Variants in DENND4C observed in about 807,000 individuals in gnomAD.
The protein encoded by DENND4C is DENN domain-containing protein 4C.
Under a neutral mutation model 203.0 loss-of-function variants are expected in DENND4C, and 108 were observed. The observed-to-expected ratio is 0.53, with a 90% CI of 0.46 to 0.62. The LOEUF is 0.62. DENND4C is among the 20% of genes least tolerant of loss of function. The pLI is 0.00. For missense variants in DENND4C, 2,481 were observed against 2,301.2 expected, an observed-to-expected ratio of 1.08 and a Z score of -1.60; for synonymous variants, 871 against 792.4, an observed-to-expected ratio of 1.10 and a Z score of -1.67.
At chr9:19,308,504 G>A (rs1661912021) in intron 10 of DENND4C, among the ~76,000 whole-genome samples, 2 of 152,186 alleles carry the variant, frequency 1.3e-5, no homozygotes, top group Non-Finnish European at 2.9e-5. Context: ...ACATTTTCCT[G>A]TTAGATTGTT....
chr9:19,249,792 G>C (rs1313145802), intron 1 of DENND4C, among the ~76,000 whole-genome samples: 2 of 152,022 alleles, frequency 1.3e-5, no homozygotes, highest in Non-Finnish European at 2.9e-5. Flanking sequence ...TGTGTAGCTG[G>C]GATCACAGGC....
chr9:19,333,363 T>G (rs1449489038), intron 17 of DENND4C, among the ~76,000 whole-genome samples: 1 of 152,120 alleles, frequency 6.6e-6, no homozygotes, highest in Non-Finnish European at 1.5e-5. Context: ...AATGTAGCTT[T>G]GAACTTCTCA....
rs773604782 is a variant in DENND4C, at chr9:19,360,428, A to G, written c.5345A>G (p.Asp1782Gly). 44 of 1,614,116 alleles carry G rather than the reference A, an allele frequency of 2.7e-5. No homozygotes were observed. Among genetic ancestry groups the G allele is most frequent in the Non-Finnish European group, 3.7e-5 (44 of 1,180,004 alleles). Residue 1782 changes from aspartate to glycine, a missense_variant, in exon 29 of 33, where the codon GAC (aspartate) becomes GGC (glycine). Around this residue, in one of 3 missense-constraint regions of DENND4C, gnomAD observed 2,289 missense variants for 2,113.3 expected, o/e 1.08. Coordinates refer to ENST00000434457, the MANE Select transcript of DENND4C (RefSeq NM_001330640.2). The stretch of plus-strand genomic sequence containing the variant: ...CTCGTTTGGTATTTCAGACGTTTGG[A>G]CCTTCCTAGTAACTTGCCAGGACTT... ...WNLVWYFRRL[D>G]LPSNLPGLIL...
At chr9:19,349,269 G>A (rs555269349) in intron 23 of DENND4C, among the ~76,000 whole-genome samples, 75 of 152,170 alleles carry the variant, frequency 4.9e-4, no homozygotes, top group African/African-American at 1.6e-3. Flanking sequence ...TTAGCTGGGC[G>A]TGATGTCATG....
rs1039470419 is a variant in DENND4C at position 19,363,939 on chromosome 9, G to A, written c.5524+1976G>A. 7.9e-5 allele frequency among the ~76,000 whole-genome samples: 12 copies of A among 152,078 alleles called. No individual in the cohort carries two copies. In the East Asian group the frequency reaches 1.5e-3, roughly 20 times the overall value. ...TGAGGCAGGAGAATTGCTTGGACCC[G>A]GGAAGCAGAGGTTGCAATGAGCCGA... On this transcript the variant is annotated intron_variant, in intron 30 of 32. Coordinates refer to ENST00000434457, the MANE Select transcript of DENND4C (RefSeq NM_001330640.2).
intron 1 of DENND4C, among the ~76,000 whole-genome samples, chr9:19,233,690 G>GGGTT (rs1419773380): frequency 4.4e-5 from 6 of 136,528 alleles, no homozygotes; most frequent in African/African-American, 1.3e-4. Context: ...CCTCCCAGAT[G>GGGTT]CAAGCGATTC....
At chr9:19,300,446 C>A in intron 9 of DENND4C, 115 bp downstream of exon 9, 5 of 1,058,292 alleles carry the variant, frequency 4.7e-6, no homozygotes, top group Non-Finnish European at 5.0e-6. Flanking sequence ...AAAAAAGGAA[C>A]TTTGAAAAAT....
At chr9:19,362,799 C>A (rs548891875) in intron 30 of DENND4C, among the ~76,000 whole-genome samples, 2 of 152,238 alleles carry the variant, frequency 1.3e-5, no homozygotes, top group Admixed American at 6.5e-5. Flanking sequence ...CATTTTTAAT[C>A]TTTTAGAGTA....
intron 15 of DENND4C, among the ~76,000 whole-genome samples, chr9:19,326,707 C>A (rs556831467): frequency 2.0e-5 from 3 of 152,030 alleles, no homozygotes; most frequent in Non-Finnish European, 4.4e-5. Context: ...ATCATTCTAG[C>A]ACCAATACTT....
intron 26 of DENND4C, 80 bp downstream of exon 26, chr9:19,352,745 G>GAGCATACCAGGAA: frequency 2.6e-6 from 3 of 1,171,068 alleles, no homozygotes; most frequent in Non-Finnish European, 3.5e-6. Context: ...AATATTCCTG[G>GAGCATACCAGGAA]TATGCTCCAG....
At chr9:19,300,766 T>C (rs1333903491) in intron 9 of DENND4C, among the ~76,000 whole-genome samples, 1 of 152,198 alleles carries the variant, frequency 6.6e-6, no homozygotes, top group East Asian at 1.9e-4. Flanking sequence ...GATTGTGAAA[T>C]AGGATAATAT....
chr9:19,290,561 T>C (rs987058189), intron 4 of DENND4C, 143 bp from the exon 5 acceptor site: 9 of 531,592 alleles, frequency 1.7e-5, no homozygotes, highest in Admixed American at 1.2e-4. Flanking sequence ...GTTTCTGTTA[T>C]AGCAAGGGGG....
chr9:19,284,265 A>G (rs1002543802), intron 2 of DENND4C, among the ~76,000 whole-genome samples: 4 of 152,304 alleles, frequency 2.6e-5, no homozygotes, highest in South Asian at 2.1e-4. Flanking sequence ...TATACTGGCA[A>G]TCACTCTGTA....
chr9:19,351,319 C>T (rs143320365), intron 24 of DENND4C, among the ~76,000 whole-genome samples: 162 of 152,222 alleles, frequency 1.1e-3, no homozygotes, highest in African/African-American at 3.8e-3. Context: ...ATGTCCAAGC[C>T]TAACGCTAAA....
intron 30 of DENND4C, among the ~76,000 whole-genome samples, chr9:19,365,522 G>A (rs1032345658): frequency 1.3e-5 from 2 of 152,050 alleles, no homozygotes; most frequent in Non-Finnish European, 2.9e-5. Context: ...CATTCTACCA[G>A]AGGTTCTAGC....
chr9:19,348,171 C>T (rs1823319828), intron 23 of DENND4C, among the ~76,000 whole-genome samples: 1 of 152,122 alleles, frequency 6.6e-6, no homozygotes, highest in Non-Finnish European at 1.5e-5. Context: ...ACAGCAACCC[C>T]ATGAGGGTGG....
At chr9:19,333,536 T>C (rs140490483) in intron 17 of DENND4C, among the ~76,000 whole-genome samples, 6 of 152,210 alleles carry the variant, frequency 3.9e-5, no homozygotes, top group Admixed American at 3.3e-4. Flanking sequence ...GAGAGCGAAA[T>C]TGCTCCTGGA....
intron 1 of DENND4C, among the ~76,000 whole-genome samples, chr9:19,271,226 G>A (rs960352838): frequency 2.3e-5 from 3 of 130,916 alleles, no homozygotes; most frequent in Non-Finnish European, 3.1e-5. Context: ...TTTTGAGACA[G>A]TCTTGCTCTG....
chr9:19,312,045 C>A (rs1234168261), intron 10 of DENND4C, among the ~76,000 whole-genome samples: 1 of 152,154 alleles, frequency 6.6e-6, no homozygotes, highest in East Asian at 1.9e-4. Flanking sequence ...TACTGTAGCG[C>A]TGTAAAATGA....
Sources: gnomAD v4.1 joint callset for allele counts (sites outside exome capture counted in the v4.1 genomes callset) on GRCh38, gnomAD v4.1.1 for gene constraint, gnomAD v4.1.1 regional missense constraint, MANE v1.5 for transcripts, NCBI Gene and HGNC (gene_info 2026-07-23, HGNC 2026-07-21) for gene names.